The following GALNTL6 variants were observed in gnomAD, a reference collection of about 807,000 sequenced individuals.
The protein encoded by GALNTL6 is polypeptide N-acetylgalactosaminyltransferase-like 6.
In GALNTL6, 46 loss-of-function variants were observed where a neutral mutation model predicts 73.7. The ratio of observed to expected loss-of-function variants is 0.62; its 90% CI spans 0.49 to 0.80. The LOEUF (loss-of-function observed/expected upper bound fraction) is 0.80, where lower values mean the gene tolerates loss of function less well. Ranked by LOEUF, GALNTL6 falls within the 30% of genes least tolerant of loss-of-function variation. The probability of loss-of-function intolerance (pLI) is 0.00; values close to 1 mark genes in which losing one functional copy is unlikely to be tolerated. For synonymous variants in GALNTL6, 259 were observed against 263.7 expected, an observed-to-expected ratio of 0.98 and a Z score of 0.17; for missense variants, 604 against 755.0, an observed-to-expected ratio of 0.80 and a Z score of 2.34.
Position 172,939,863 on chromosome 4 carries a change from T to C in GALNTL6, c.1149+8595T>C, listed in dbSNP as rs181969860. On this transcript the variant is annotated intron_variant, in intron 9 of 12. Transcript: ENST00000506823. Reference sequence around the variant, plus strand: ...CCACAGAGAAGAAATGAGAAAATTGTGTGAGAAACACAAATTTATTTGCCA... The same window carrying C: ...CCACAGAGAAGAAATGAGAAAATTGCGTGAGAAACACAAATTTATTTGCCA... 1.3e-4 allele frequency among the ~76,000 whole-genome samples: 20 copies of C among 152,298 alleles called. No individual in the cohort carries two copies. The East Asian group carries it at 3.9e-3, about 29-fold the overall frequency.
intron 5 of GALNTL6, among the ~76,000 whole-genome samples, chr4:172,520,543 C>T (rs1170626506): frequency 4.0e-5 from 6 of 148,280 alleles, no homozygotes; most frequent in East Asian, 2.0e-4. Context: ...TCAGTCTTTT[C>T]GTTTTTTTTT....
At chr4:173,017,522 G>A (rs951875817) in intron 11 of GALNTL6, among the ~76,000 whole-genome samples, 2 of 152,166 alleles carry the variant, frequency 1.3e-5, no homozygotes, top group Admixed American at 1.3e-4. Context: ...TGCCTGATTG[G>A]TTTGACATGG....
intron 2 of GALNTL6, among the ~76,000 whole-genome samples, chr4:172,132,623 A>C (rs1733529900): frequency 6.6e-6 from 1 of 152,058 alleles, no homozygotes; most frequent in South Asian, 2.1e-4. Flanking sequence ...TTATTACTTC[A>C]TGTTGAATTT....
At chr4:172,318,165 CA>C (rs1712507813) in intron 4 of GALNTL6, among the ~76,000 whole-genome samples, 1 of 152,114 alleles carries the variant, frequency 6.6e-6, no homozygotes, top group Admixed American at 6.6e-5. Context: ...CACAGTAATA[CA>C]GACATTAGTA....
At chr4:172,252,142 A>G in intron 3 of GALNTL6, among the ~76,000 whole-genome samples, 1 of 152,160 alleles carries the variant, frequency 6.6e-6, no homozygotes, top group East Asian at 1.9e-4. Context: ...GCAAATATAA[A>G]AAGAAAGTAT....
intron 5 of GALNTL6, among the ~76,000 whole-genome samples, chr4:172,458,396 T>G (rs1380109524): frequency 6.6e-6 from 1 of 151,020 alleles, no homozygotes; most frequent in Non-Finnish European, 1.5e-5. Context: ...CAGATAGAGA[T>G]ATGAAAAACC....
intron 5 of GALNTL6, among the ~76,000 whole-genome samples, chr4:172,381,157 T>G (rs955336438): frequency 6.6e-6 from 1 of 152,242 alleles, no homozygotes; most frequent in African/African-American, 2.4e-5. Context: ...TATTTGTTAT[T>G]TTCTGTCAGA....
At chr4:172,235,309 G>T (rs1737204636) in intron 3 of GALNTL6, among the ~76,000 whole-genome samples, 2 of 151,928 alleles carry the variant, frequency 1.3e-5, no homozygotes. Context: ...CCGGGTTCAG[G>T]CGATTCTCCT....
At position 172,956,753 on chromosome 4, in the gene GALNTL6, A is replaced by T. The variant is rs1749772302; in HGVS notation, c.1371+4495A>T. Among the ~76,000 whole-genome samples, 8 of 152,298 alleles carry T rather than the reference A, an allele frequency of 5.3e-5. No individual in the cohort carries two copies. The South Asian group carries it at 1.7e-3, about 32-fold the overall frequency. On this transcript the variant is annotated intron_variant, in intron 10 of 12. Transcript: ENST00000506823. The stretch of plus-strand genomic sequence containing the variant: ...AGGCCTGAATTATGAGAAGGGAAAG[A>T]GGTAAAAGTATTGTCCAGTCCTTTT...
chr4:172,661,239 A>AG, intron 5 of GALNTL6, among the ~76,000 whole-genome samples: 1 of 151,830 alleles, frequency 6.6e-6, no homozygotes, highest in Non-Finnish European at 1.5e-5. Context: ...TCACCTCTCC[A>AG]CCCCCTACCC....
At chr4:172,373,492 A>C (rs1274862253) in intron 5 of GALNTL6, among the ~76,000 whole-genome samples, 1 of 152,146 alleles carries the variant, frequency 6.6e-6, no homozygotes, top group African/African-American at 2.4e-5. Context: ...TGAGCTTTTA[A>C]ATGTTTAACA....
chr4:172,123,966 A>AC (rs2111004557), intron 2 of GALNTL6, among the ~76,000 whole-genome samples: 1 of 152,324 alleles, frequency 6.6e-6, no homozygotes, highest in Non-Finnish European at 1.5e-5. Flanking sequence ...CTAGAAACCT[A>AC]CACTTAAGAG....
rs557412763 is a variant in GALNTL6, at chr4:172,253,302, A to G, written c.247+23538A>G. ...GAGGAATTAAATTAAGCCTAAAAAG[A>G]TGACTGGAAGAAGAGACATTCCTGG... On this transcript the variant is annotated intron_variant, in intron 3 of 12. Transcript: ENST00000506823. 5.9e-5 allele frequency among the ~76,000 whole-genome samples: 9 copies of G among 152,082 alleles called. 1 individual carries two copies. In the South Asian group the frequency reaches 1.9e-3, roughly 32 times the overall value.
At chr4:172,711,887 A>T (rs1734729208) in intron 5 of GALNTL6, among the ~76,000 whole-genome samples, 1 of 152,208 alleles carries the variant, frequency 6.6e-6, no homozygotes. Context: ...AATCCATCCA[A>T]GAGGTCAGGA....
chr4:172,777,328 T>G (rs1739128826), intron 5 of GALNTL6, among the ~76,000 whole-genome samples: 1 of 152,190 alleles, frequency 6.6e-6, no homozygotes, highest in Non-Finnish European at 1.5e-5. Flanking sequence ...AAGATTGAGT[T>G]GGGGAGTTTT....
At chr4:172,563,161 AAT>A (rs781481714) in intron 5 of GALNTL6, among the ~76,000 whole-genome samples, 6 of 152,192 alleles carry the variant, frequency 3.9e-5, no homozygotes, top group Non-Finnish European at 8.8e-5. Flanking sequence ...CATTCAGTTT[AAT>A]AGTTTAATTG....
intron 3 of GALNTL6, among the ~76,000 whole-genome samples, chr4:172,230,288 A>G (rs944103636): frequency 2.0e-5 from 3 of 152,186 alleles, no homozygotes; most frequent in African/African-American, 4.8e-5. Context: ...GCAGAGTTCT[A>G]GACTTGGTGC....
intron 12 of GALNTL6, among the ~76,000 whole-genome samples, chr4:173,028,595 A>G (rs796128382): frequency 2.0e-5 from 3 of 152,258 alleles, no homozygotes; most frequent in African/African-American, 7.2e-5. Context: ...AAAAATGTCT[A>G]TATGGCCTGC....
chr4:172,850,246 A>G (rs973363103), intron 7 of GALNTL6, among the ~76,000 whole-genome samples: 5 of 152,128 alleles, frequency 3.3e-5, no homozygotes, highest in East Asian at 1.9e-4. Flanking sequence ...GTCTTTCAGT[A>G]TTATCTTCAA....
Sources: allele counts gnomAD v4.1 joint callset (sites outside exome capture counted in the v4.1 genomes callset), GRCh38; gene constraint gnomAD v4.1.1; transcripts MANE v1.5; gene names NCBI Gene and HGNC (gene_info 2026-07-23, HGNC 2026-07-21).